FAM110B: variants seen among roughly 807,000 people sequenced by gnomAD.
The protein encoded by FAM110B is protein FAM110B.
A neutral mutation model predicts 20.4 loss-of-function variants in FAM110B; 6 were observed. The ratio of observed to expected loss-of-function variants is 0.29; its 90% CI spans 0.16 to 0.58. FAM110B has a LOEUF of 0.58. FAM110B is among the 20% of genes least tolerant of loss of function. FAM110B has a pLI of 0.90. For missense variants in FAM110B, 434 were observed against 498.2 expected (o/e 0.87, Z 1.23); for synonymous variants, 226 against 214.1 (o/e 1.06, Z -0.49).
At chr8:58,133,198 C>T (rs1456337621) in intron 3 of FAM110B, among the ~76,000 whole-genome samples, 2 of 143,398 alleles carry the variant, frequency 1.4e-5, no homozygotes, top group African/African-American at 5.5e-5. Context: ...TAAGTGAGCT[C>T]GATTTTGTTT....
rs1803907156 is a variant in FAM110B at position 58,148,035 on chromosome 8, G to A, written c.*692G>A. 6.0e-6 allele frequency: 1 copy of A among 166,912 alleles called. No homozygotes were observed. 10.3% of individuals were successfully genotyped at this position (166,912 alleles called of 1,614,324 possible). A position where few individuals can be genotyped will look rare whatever the true frequency, so the allele number is the denominator to read the frequency against. ...AAGATGGTTAAATCTAGGAGGTTGG[G>A]TGTTTGGGGGTTTTGTTGATGTTGT... On this transcript the variant is annotated 3_prime_UTR_variant, in exon 4 of 4. Coordinates refer to ENST00000519262, the MANE Select transcript of FAM110B (RefSeq NM_001377989.1).
At chr8:58,088,692 T>TC (rs1293398280) in intron 3 of FAM110B, among the ~76,000 whole-genome samples, 1 of 152,194 alleles carries the variant, frequency 6.6e-6, no homozygotes, top group Non-Finnish European at 1.5e-5. Flanking sequence ...CATCTTGGGT[T>TC]CAGCAGTGTC....
chr8:58,106,428 T>C (rs1806919899), intron 3 of FAM110B: 1 of 151,978 alleles, frequency 6.6e-6, no homozygotes, highest in Non-Finnish European at 1.5e-5. Context: ...AAAGATGGAA[T>C]TAGTCAACAA....
intron 3 of FAM110B, among the ~76,000 whole-genome samples, chr8:58,082,710 G>T (rs1481398600): frequency 6.6e-6 from 1 of 152,130 alleles, no homozygotes; most frequent in East Asian, 1.9e-4. Flanking sequence ...GGGCACAGTG[G>T]CTCATACCTG....
At chr8:58,094,677 C>T (rs936603007) in intron 3 of FAM110B, among the ~76,000 whole-genome samples, 2 of 152,112 alleles carry the variant, frequency 1.3e-5, no homozygotes, top group African/African-American at 2.4e-5. Context: ...CTTTTCACAT[C>T]GATGTTCGTC....
At chr8:58,071,499 A>C (rs555270356) in intron 2 of FAM110B, among the ~76,000 whole-genome samples, 2 of 152,276 alleles carry the variant, frequency 1.3e-5, no homozygotes, top group South Asian at 4.1e-4. Flanking sequence ...TAAACGTTGC[A>C]ATTTTAATGA....
At chr8:58,085,485 C>T (rs1806308692) in intron 3 of FAM110B, among the ~76,000 whole-genome samples, 1 of 152,168 alleles carries the variant, frequency 6.6e-6, no homozygotes, top group South Asian at 2.1e-4. Context: ...TGCACTCCAG[C>T]CTGGGTGACA....
At chr8:58,137,354 G>A (rs1365397865) in intron 3 of FAM110B, among the ~76,000 whole-genome samples, 2 of 152,174 alleles carry the variant, frequency 1.3e-5, no homozygotes, top group Non-Finnish European at 2.9e-5. Context: ...TAGGTCAGGA[G>A]TTTGAGACCA....
At chr8:58,100,000 C>T (rs1806736947) in intron 3 of FAM110B, among the ~76,000 whole-genome samples, 1 of 152,056 alleles carries the variant, frequency 6.6e-6, no homozygotes, top group African/African-American at 2.4e-5. Flanking sequence ...TCAATTTGCC[C>T]ACTCTTTCTG....
chr8:58,093,794 G>A (rs1806547851), intron 3 of FAM110B, among the ~76,000 whole-genome samples: 1 of 152,084 alleles, frequency 6.6e-6, no homozygotes, highest in Non-Finnish European at 1.5e-5. Context: ...GAAAATCAAT[G>A]GTAGCTTGAT....
chr8:58,097,210 G>A (rs1806654351), intron 3 of FAM110B, among the ~76,000 whole-genome samples: 2 of 152,068 alleles, frequency 1.3e-5, no homozygotes, highest in South Asian at 4.2e-4. Flanking sequence ...TTTTCACATA[G>A]TCCCATATTT....
At chr8:58,088,789 T>C (rs1355008089) in intron 3 of FAM110B, among the ~76,000 whole-genome samples, 2 of 152,210 alleles carry the variant, frequency 1.3e-5, no homozygotes, top group Admixed American at 6.5e-5. Context: ...GACAGACTTC[T>C]CTGCTTTTAA....
chr8:58,076,977 C>T (rs1030400683), intron 3 of FAM110B: 1 of 152,206 alleles, frequency 6.6e-6, no homozygotes, highest in Non-Finnish European at 1.5e-5. Context: ...AAGAATCTAA[C>T]TTAGGCTGAC....
chr8:58,010,622 G>A (rs1358887522), intron 1 of FAM110B, among the ~76,000 whole-genome samples: 1 of 152,130 alleles, frequency 6.6e-6, no homozygotes, highest in Non-Finnish European at 1.5e-5. Flanking sequence ...GTTCCATCTA[G>A]GAGGAAGGAA....
chr8:58,045,466 T>C (rs894985270), intron 2 of FAM110B, among the ~76,000 whole-genome samples: 1 of 152,228 alleles, frequency 6.6e-6, no homozygotes, highest in African/African-American at 2.4e-5. Context: ...CTCTGTGTAC[T>C]CATGAGGCAT....
chr8:58,003,929 C>T (rs973000702), intron 1 of FAM110B, among the ~76,000 whole-genome samples: 2 of 152,056 alleles, frequency 1.3e-5, no homozygotes, highest in African/African-American at 2.4e-5. Flanking sequence ...GCTTTGAAGC[C>T]AGACATTGAC....
intron 2 of FAM110B, among the ~76,000 whole-genome samples, chr8:58,073,645 C>G (rs1007133459): frequency 1.3e-5 from 2 of 152,114 alleles, no homozygotes; most frequent in Non-Finnish European, 2.9e-5. Context: ...GATAAATCAC[C>G]AAACACTTTG....
At chr8:58,091,493 T>A (rs1363089609) in intron 3 of FAM110B, 1 of 152,136 alleles carries the variant, frequency 6.6e-6, no homozygotes, top group Non-Finnish European at 1.5e-5. Context: ...GGCTCAGCCC[T>A]CCTGTCTCTC....
chr8:58,078,538 G>T lies in FAM110B; in HGVS notation c.-325+2915G>T, dbSNP rs1017196495. Among the ~76,000 whole-genome samples the T allele has an allele frequency of 3.5e-5, 5 of 142,868 alleles. No homozygotes were observed. The South Asian group carries it at 6.8e-4, about 19-fold the overall frequency. The allele number at this position is 142,868 out of a possible 152,430, so 93.7% of individuals were successfully genotyped here. On this transcript the variant is annotated intron_variant, in intron 3 of 3. Transcript: ENST00000519262. ...TTTCCTTTTTCAAAACTTCTCTCCA[G>T]ATTTTTGCCTTTTTTTTTTTTTTTT... is the stretch of plus-strand genomic sequence containing the variant.
Sources: gnomAD v4.1 joint callset for allele counts (sites outside exome capture counted in the v4.1 genomes callset) on GRCh38, gnomAD v4.1.1 for gene constraint, MANE v1.5 for transcripts, NCBI Gene and HGNC (gene_info 2026-07-23, HGNC 2026-07-21) for gene names.